Variants in HYDIN observed in about 807,000 individuals in gnomAD.
HYDIN encodes HYDIN axonemal central pair apparatus protein.
In HYDIN, 132 loss-of-function variants were observed where a neutral mutation model predicts 403.9. That is an observed-to-expected ratio of 0.33 (90% CI 0.28 to 0.38). The LOEUF is 0.38. Among genes scored for constraint, HYDIN ranks in the 10% least tolerant of loss-of-function variants. The pLI, the probability that HYDIN is intolerant of heterozygous loss-of-function variation, is 1.00. For synonymous variants in HYDIN, 1,202 were observed against 1,891.7 expected (o/e 0.64, Z 9.46); for missense variants, 2,827 against 5,009.5 (o/e 0.56, Z 13.15).
chr16:70,832,038 TTAAC>T (rs1183554711), intron 80 of HYDIN, among the ~76,000 whole-genome samples: 3 of 120,508 alleles, frequency 2.5e-5, no homozygotes, highest in East Asian at 2.4e-4. Flanking sequence ...AACAGACACT[TTAAC>T]TAAGACAATA....
At chr16:71,165,585 T>C (rs559450353) in intron 5 of HYDIN, among the ~76,000 whole-genome samples, 1 of 151,708 alleles carries the variant, frequency 6.6e-6, no homozygotes, top group African/African-American at 2.4e-5. Context: ...GTATACCCAG[T>C]ACCTAGAACA....
intron 2 of HYDIN, among the ~76,000 whole-genome samples, chr16:71,185,304 A>G (rs1413216419): frequency 6.6e-6 from 1 of 152,144 alleles, no homozygotes; most frequent in Non-Finnish European, 1.5e-5. Flanking sequence ...AGAGCTTAAC[A>G]TTTATGCTCA....
intron 1 of HYDIN, among the ~76,000 whole-genome samples, chr16:71,203,300 A>T (rs924801822): frequency 6.6e-6 from 1 of 152,132 alleles, no homozygotes; most frequent in Non-Finnish European, 1.5e-5. Flanking sequence ...CGGACTAATA[A>T]ATTTATTATT....
rs530927444 is a variant in HYDIN at position 70,963,214 on chromosome 16, C to T, written c.5789-1076G>A. Among the ~76,000 whole-genome samples the T allele has an allele frequency of 5.8e-3, 881 of 152,008 alleles. 5 individuals carry two copies. Among genetic ancestry groups the T allele is most frequent in the African/African-American group, 0.011 (464 of 41,414 alleles). On this transcript the variant is annotated intron_variant, in intron 37 of 85. Coordinates refer to ENST00000393567, the MANE Select transcript of HYDIN (RefSeq NM_001270974.2). ...TTGCATTTTCTGATTTTTTTTTCCC[C>T]GGCACTTTTTTCACTAATTTTTTTT... is the stretch of plus-strand genomic sequence containing the variant.
chr16:71,035,644 T>A (rs1158889813), intron 18 of HYDIN, among the ~76,000 whole-genome samples: 5 of 151,190 alleles, frequency 3.3e-5, no homozygotes, highest in African/African-American at 1.2e-4. Flanking sequence ...TTATTTTAGA[T>A]AAGTTTATGG....
chr16:70,992,238 G>C (rs766173297), intron 23 of HYDIN, 28 bp from the exon 24 acceptor site: 2 of 1,534,876 alleles, frequency 1.3e-6, no homozygotes, highest in Admixed American at 2.2e-5. Flanking sequence ...AGGGAATAGG[G>C]GGAGACAGGA....
At chr16:71,216,436 A>G (rs2088885155) in intron 1 of HYDIN, among the ~76,000 whole-genome samples, 1 of 152,122 alleles carries the variant, frequency 6.6e-6, no homozygotes, top group Non-Finnish European at 1.5e-5. Flanking sequence ...AATGTATACA[A>G]AATGGCAAAA....
chr16:71,083,673 A>G (rs2082850251), intron 12 of HYDIN, among the ~76,000 whole-genome samples: 1 of 151,902 alleles, frequency 6.6e-6, no homozygotes, highest in African/African-American at 2.4e-5. Flanking sequence ...CAAAAATATT[A>G]AATAAAAAAT....
chr16:71,116,072 T>C (rs1332971215), intron 9 of HYDIN, among the ~76,000 whole-genome samples: 1 of 152,072 alleles, frequency 6.6e-6, no homozygotes, highest in East Asian at 1.9e-4. Context: ...TCATACATTA[T>C]TATTAACTAT....
Position 70,970,672 on chromosome 16 carries a change from G to A in HYDIN, c.5467C>T (p.Arg1823Cys), listed in dbSNP as rs759202633. 64 of 1,531,646 alleles carry A rather than the reference G, an allele frequency of 4.2e-5. No homozygotes were observed. The highest frequency in any genetic ancestry group is 1.9e-4 in the Admixed American group (11 of 59,178). 94.9% of individuals were successfully genotyped at this position (1,531,646 alleles called of 1,614,324 possible). A position where few individuals can be genotyped will look rare whatever the true frequency, so the allele number is the denominator to read the frequency against. ...AGGACTGAAGGACTAAATTCCAGGC[G>A]TGGCTCTAGACCTTGCCCACGTGCC... is the stretch of plus-strand genomic sequence containing the variant. ...LLARGQGLEP[R>C]LEFSPSVLDL... The change falls in exon 36 of 86, where the codon CGC becomes TGC. Residue 1823 changes from arginine (R) to cysteine (C), a missense_variant. Coordinates refer to ENST00000393567, the MANE Select transcript of HYDIN (RefSeq NM_001270974.2).
chr16:70,997,937 G>A (rs2079582664), intron 23 of HYDIN, among the ~76,000 whole-genome samples: 1 of 151,208 alleles, frequency 6.6e-6, no homozygotes, highest in Non-Finnish European at 1.5e-5. Flanking sequence ...ACAACTGTTT[G>A]TAATACAACT....
intron 1 of HYDIN, among the ~76,000 whole-genome samples, chr16:71,197,548 A>C (rs1387190118): frequency 1.8e-4 from 27 of 152,220 alleles, no homozygotes; most frequent in Admixed American, 1.8e-3. Context: ...TTTATTGTGA[A>C]ATATAATGTG....
At chr16:70,836,786 T>C (rs576616273) in intron 77 of HYDIN, among the ~76,000 whole-genome samples, 2 of 152,346 alleles carry the variant, frequency 1.3e-5, no homozygotes, top group South Asian at 4.2e-4. Context: ...CTCTTGGATG[T>C]CTGAGAACAT....
At chr16:71,183,391 GA>G (rs1185341134) in intron 3 of HYDIN, among the ~76,000 whole-genome samples, 3 of 151,994 alleles carry the variant, frequency 2.0e-5, no homozygotes, top group African/African-American at 7.2e-5. Flanking sequence ...AAAATGATAT[GA>G]AAAAAATACT....
chr16:70,982,409 G>T (rs946760343), intron 28 of HYDIN, among the ~76,000 whole-genome samples: 1 of 151,032 alleles, frequency 6.6e-6, no homozygotes, highest in African/African-American at 2.4e-5. Context: ...AATCACTTCA[G>T]TTTATGACCC....
intron 10 of HYDIN, among the ~76,000 whole-genome samples, chr16:71,110,636 G>C (rs191997195): frequency 6.6e-6 from 1 of 151,458 alleles, no homozygotes; most frequent in Non-Finnish European, 1.5e-5. Context: ...TGGTTTTATC[G>C]AGGGAAGGTG....
chr16:70,877,437 C>T lies in HYDIN; in HGVS notation c.10557+1860G>A, dbSNP rs187524075. 1.6e-3 allele frequency among the ~76,000 whole-genome samples: 241 copies of T among 152,254 alleles called. 1 individual carries two copies. Among genetic ancestry groups the T allele is most frequent in the Admixed American group, 3.1e-3 (48 of 15,296 alleles). ...GAAAACAAAGTGAAAAGGTAAAAGG[C>T]AGTCAGAAAAAAAGAATGCCTTAAA... On this transcript the variant is annotated intron_variant, in intron 62 of 85. Transcript: ENST00000393567.
chr16:71,187,715 T>C (rs190895685), intron 1 of HYDIN, among the ~76,000 whole-genome samples: 2 of 151,736 alleles, frequency 1.3e-5, no homozygotes, highest in East Asian at 3.9e-4. Flanking sequence ...GACCAAGACA[T>C]AGGAAGAAGA....
chr16:71,178,192 G>T (rs2086749486), intron 4 of HYDIN, among the ~76,000 whole-genome samples: 1 of 152,028 alleles, frequency 6.6e-6, no homozygotes, highest in Admixed American at 6.6e-5. Context: ...GACCGAAGTG[G>T]GTGGATCACC....
Sources: gnomAD v4.1 joint callset for allele counts (sites outside exome capture counted in the v4.1 genomes callset) on GRCh38, gnomAD v4.1.1 for gene constraint, MANE v1.5 for transcripts, NCBI Gene and HGNC (gene_info 2026-07-23, HGNC 2026-07-21) for gene names.